Variants in VAT1L observed in about 807,000 individuals in gnomAD.
The protein encoded by VAT1L is vesicle amine transport 1 like.
VAT1L carries 34 observed loss-of-function variants against 44.1 expected under a neutral mutation model. The ratio of observed to expected loss-of-function variants is 0.77; its 90% confidence interval spans 0.59 to 1.03. The LOEUF is 1.03. Ranked by LOEUF, VAT1L falls within the 50% of genes least tolerant of loss-of-function variation. The pLI is 0.00. For missense variants in VAT1L, 615 were observed against 538.8 expected (o/e 1.14, Z -1.40); for synonymous variants, 253 against 202.2 (o/e 1.25, Z -2.13).
chr16:77,953,125 A>C (rs2018063577), intron 7 of VAT1L, among the ~76,000 whole-genome samples: 1 of 152,188 alleles, frequency 6.6e-6, no homozygotes, highest in Admixed American at 6.5e-5. Flanking sequence ...ATGTGTCTCC[A>C]AGCCAAGGGC....
rs2017963874 is a variant in VAT1L, at chr16:77,946,279, C to CTTTTTTTTGTT, written c.1078-25563_1078-25562insGTTTTTTTTTT. On this transcript the variant is annotated intron_variant, in intron 7 of 8. Coordinates refer to ENST00000302536, the MANE Select transcript of VAT1L (RefSeq NM_020927.3). Reference sequence around the variant, plus strand: ...GTTCTGGACATCTAGGTTACTTGTTCTTTTTTTTTTTTTTTTTTTTTTGAG... The same window carrying CTTTTTTTTGTT: ...GTTCTGGACATCTAGGTTACTTGTTCTTTTTTTTGTTTTTTTTTTTTTTTTTTTTTTTTGAG... 2.8e-5 allele frequency among the ~76,000 whole-genome samples: 2 copies of CTTTTTTTTGTT among 70,428 alleles called. 1 individual carries two copies. Among genetic ancestry groups the CTTTTTTTTGTT allele is most frequent in the Non-Finnish European group, 5.0e-5 (2 of 39,608 alleles). The allele number at this position is 70,428 out of a possible 152,430, so 46.2% of individuals were successfully genotyped here.
At chr16:77,894,856 G>T (rs147093995) in intron 7 of VAT1L, among the ~76,000 whole-genome samples, 2 of 152,046 alleles carry the variant, frequency 1.3e-5, no homozygotes, top group African/African-American at 4.8e-5. Flanking sequence ...TGGGGAAGAG[G>T]CACAGCCTTA....
chr16:77,850,638 G>T (rs1349092870), intron 3 of VAT1L, among the ~76,000 whole-genome samples: 2 of 152,102 alleles, frequency 1.3e-5, no homozygotes, highest in African/African-American at 4.8e-5. Context: ...GAGTCGTTTG[G>T]TTTTTTGTTT....
At position 77,812,549 on chromosome 16, in the gene VAT1L, T is replaced by G. The variant is rs551833710; in HGVS notation, c.234-4372T>G. Among the ~76,000 whole-genome samples, 22 of 152,350 alleles carry G rather than the reference T, an allele frequency of 1.4e-4. 1 individual carries two copies. Among genetic ancestry groups the G allele is most frequent in the South Asian group, 1.0e-3 (5 of 4,820 alleles). On this transcript the variant is annotated intron_variant, in intron 1 of 8. Transcript: ENST00000302536. ...CCTTTAACAAGTCAGTTTTCTTATC[T>G]GAGGCTCAATGTTCACATCTATTTA...
At chr16:77,902,733 G>GGT (rs569626264) in intron 7 of VAT1L, among the ~76,000 whole-genome samples, 73 of 5,122 alleles carry the variant, frequency 0.014, 1 homozygote, top group Admixed American at 0.044. Context: ...ATGGGGGGGT[G>GGT]GGGGGGGTGT....
intron 3 of VAT1L, among the ~76,000 whole-genome samples, chr16:77,833,633 C>G (rs1408704156): frequency 1.3e-5 from 2 of 152,080 alleles, no homozygotes; most frequent in Non-Finnish European, 2.9e-5. Flanking sequence ...TGCCTGTAAT[C>G]CCAGCTACTA....
At chr16:77,939,180 C>G (rs1238888205) in intron 7 of VAT1L, among the ~76,000 whole-genome samples, 4 of 152,186 alleles carry the variant, frequency 2.6e-5, no homozygotes, top group Admixed American at 6.5e-5. Flanking sequence ...CAGGCTAACT[C>G]TGGGAAAATG....
At chr16:77,910,059 A>G (rs2017482261) in intron 7 of VAT1L, among the ~76,000 whole-genome samples, 1 of 152,242 alleles carries the variant, frequency 6.6e-6, no homozygotes, top group Non-Finnish European at 1.5e-5. Context: ...AATGCCCTTT[A>G]AGGTGAAATT....
intron 7 of VAT1L, among the ~76,000 whole-genome samples, chr16:77,965,781 G>A (rs996416987): frequency 6.6e-6 from 1 of 152,114 alleles, no homozygotes; most frequent in Non-Finnish European, 1.5e-5. Context: ...CTCTAGGTGA[G>A]GCTCAGCCAC....
intron 7 of VAT1L, among the ~76,000 whole-genome samples, chr16:77,952,331 G>A (rs771949742): frequency 2.5e-4 from 38 of 152,132 alleles, no homozygotes; most frequent in Non-Finnish European, 4.6e-4. Context: ...AATCCCCAAC[G>A]TTGGAGATGG....
chr16:77,796,722 G>T (rs573963519), intron 1 of VAT1L, among the ~76,000 whole-genome samples: 2 of 152,194 alleles, frequency 1.3e-5, no homozygotes, highest in Non-Finnish European at 2.9e-5. Context: ...GACATGAATT[G>T]CCATCTCTTG....
chr16:77,926,952 A>G (rs1462077007), intron 7 of VAT1L, among the ~76,000 whole-genome samples: 8 of 152,154 alleles, frequency 5.3e-5, no homozygotes, highest in Admixed American at 5.2e-4. Context: ...ATTGTCAAGG[A>G]CCATTACACA....
chr16:77,836,228 G>T (rs1376131382), intron 3 of VAT1L, among the ~76,000 whole-genome samples: 2 of 152,066 alleles, frequency 1.3e-5, no homozygotes, highest in Admixed American at 6.5e-5. Flanking sequence ...CCCCGATTCA[G>T]TGCTCTTGAC....
intron 3 of VAT1L, among the ~76,000 whole-genome samples, chr16:77,826,064 G>A (rs1430546235): frequency 8.2e-5 from 12 of 146,644 alleles, no homozygotes; most frequent in Non-Finnish European, 1.2e-4. Context: ...GAAATTAGCC[G>A]GGCGTAGTGG....
At chr16:77,951,840 TAA>T (rs11415182) in intron 7 of VAT1L, among the ~76,000 whole-genome samples, 18,578 of 146,036 alleles carry the variant, frequency 0.13, 1,521 homozygotes, top group East Asian at 0.21. Flanking sequence ...AGTTTAAAAT[TAA>T]AAAAAAAAAA....
chr16:77,880,743 C>G (rs1373214313), intron 6 of VAT1L, among the ~76,000 whole-genome samples: 1 of 150,250 alleles, frequency 6.7e-6, no homozygotes, highest in Non-Finnish European at 1.5e-5. Flanking sequence ...AATAGTTTTT[C>G]AACCCCTGCC....
intron 3 of VAT1L, among the ~76,000 whole-genome samples, chr16:77,858,818 G>C (rs541416845): frequency 6.6e-6 from 1 of 152,148 alleles, no homozygotes; most frequent in East Asian, 1.9e-4. Context: ...GGGTAACATA[G>C]TGAGACCCCA....
chr16:77,796,895 G>A (rs1486723058), intron 1 of VAT1L, among the ~76,000 whole-genome samples: 7 of 152,124 alleles, frequency 4.6e-5, no homozygotes, highest in African/African-American at 1.7e-4. Flanking sequence ...GTCCAATCTG[G>A]GACGTTCTCA....
At chr16:77,935,499 TAAA>T (rs35559626) in intron 7 of VAT1L, among the ~76,000 whole-genome samples, 31 of 115,818 alleles carry the variant, frequency 2.7e-4, no homozygotes, top group African/African-American at 8.2e-4. Flanking sequence ...TGACGGTTTA[TAAA>T]AAAAAAAAAA....
Sources: gnomAD v4.1 joint callset for allele counts (sites outside exome capture counted in the v4.1 genomes callset) on GRCh38, gnomAD v4.1.1 for gene constraint, MANE v1.5 for transcripts, NCBI Gene and HGNC (gene_info 2026-07-23, HGNC 2026-07-21) for gene names.